The following MRPS26 variants were observed in gnomAD, a reference collection of about 807,000 sequenced individuals.
MRPS26 encodes small ribosomal subunit protein mS26.
A neutral mutation model predicts 22.7 loss-of-function variants in MRPS26; 26 were observed. The observed-to-expected ratio is 1.15, with a 90% CI of 0.84 to 1.59. The LOEUF is 1.59. Ranked by LOEUF, MRPS26 falls within the 40% of genes most tolerant of loss-of-function variation. The pLI is 0.00. For missense variants in MRPS26, 291 were observed against 287.7 expected (o/e 1.01, Z -0.08); for synonymous variants, 120 against 124.0 (o/e 0.97, Z 0.22).
In MRPS26 at chr20:3,046,525, TG is replaced by T. The variant is rs1451183706; in HGVS notation, c.359+10del. 7.8e-6 allele frequency: 12 copies of T among 1,536,036 alleles called. No individual in the cohort carries two copies. Among genetic ancestry groups the T allele is most frequent in the Non-Finnish European group, 7.9e-6 (9 of 1,146,236 alleles). On this transcript the variant is annotated splice_region_variant and intron_variant, in intron 2 of 3. Transcript: ENST00000380325. ...CGGCGGCTGCACGAGCTGCGGTGCG[TG>T]GGGCGGGAGGCGGGGCGGGGCGGCG... is the stretch of plus-strand genomic sequence containing the variant.
rs2065988441 is a variant in MRPS26, at chr20:3,046,399, G to A, written c.239G>A (p.Arg80Lys). Residue 80 changes from arginine (R) to lysine (K), a missense_variant, in exon 2 of 4, where the codon AGG becomes AAG. Transcript: ENST00000380325. The stretch of plus-strand genomic sequence containing the variant: ...ATGGAGTTCGTGTCCGAGGTGCAGA[G>A]GAAGGTGCACGAGGCCCGAGCCGGG... ...LRMEFVSEVQ[R>K]KVHEARAGVL... The A allele has an allele frequency of 1.2e-6, 2 of 1,608,498 alleles. No individual in the cohort carries two copies. Among genetic ancestry groups the A allele is most frequent in the South Asian group, 1.1e-5 (1 of 90,306 alleles).
chr20:3,048,122 A>G lies in MRPS26; in HGVS notation c.*253A>G, dbSNP rs898790585. On this transcript the variant is annotated 3_prime_UTR_variant, in exon 4 of 4. Transcript: ENST00000380325. This position sits in a 1 kb window ranked among gnomAD's most constrained non-coding sequence, Gnocchi z 4.1. ...TGGTTTCCATCTCACAGAGAATCAG[A>G]CAGGGCCACAGCCCCCTCAGGCAGC... 2 of 375,846 alleles carry G rather than the reference A, an allele frequency of 5.3e-6. No individual in the cohort carries two copies. The highest frequency in any genetic ancestry group is 9.4e-6 in the Non-Finnish European group (2 of 212,268). 23.3% of individuals were successfully genotyped at this position (375,846 alleles called of 1,614,324 possible).
Position 3,046,291 on chromosome 20 carries a change from G to C in MRPS26, c.212+11G>C, listed in dbSNP as rs373575124. ...CGTGCGCGCCCTCAGGTGTGCGGCCGGGGGGAGGTGGCCGCCCGCGCGCGC... is the reference window on the plus strand; with the variant it reads ...CGTGCGCGCCCTCAGGTGTGCGGCCCGGGGGAGGTGGCCGCCCGCGCGCGC... On this transcript the variant is annotated intron_variant, in intron 1 of 3. Coordinates refer to ENST00000380325, the MANE Select transcript of MRPS26 (RefSeq NM_030811.4). 3.1e-5 allele frequency: 50 copies of C among 1,603,774 alleles called. No homozygotes were observed. The East Asian group carries it at 6.3e-4, about 20-fold the overall frequency.
rs2065995590 is a variant in MRPS26, at chr20:3,047,720, T to C, written c.484-15T>C. 6.2e-7 allele frequency: 1 copy of C among 1,613,018 alleles called. No individual in the cohort carries two copies. Among genetic ancestry groups the C allele is most frequent in the Non-Finnish European group, 8.5e-7 (1 of 1,179,550 alleles). On this transcript the variant is annotated splice_polypyrimidine_tract_variant and intron_variant, in intron 3 of 3. Transcript: ENST00000380325. ...CCCAAGGCTCCTGTTCAGCTGGGCT[T>C]TTCTCTCCCGATAGGAAGAGGTGAA...
At chr20:3,047,640 C>A in intron 3 of MRPS26, 95 bp from the exon 4 acceptor site, 2 of 1,527,656 alleles carry the variant, frequency 1.3e-6, no homozygotes, top group Non-Finnish European at 1.8e-6. Flanking sequence ...AGAGCAGGAG[C>A]TGCTTTCTCA....
chr20:3,047,904 G>A lies in MRPS26; in HGVS notation c.*35G>A, dbSNP rs1320437957. ...AAGGACAGTGCCCGCCAGGGACCAT[G>A]TATGTATCATGGCGGAAGAGTTGGC... is the stretch of plus-strand genomic sequence containing the variant. On this transcript the variant is annotated 3_prime_UTR_variant, in exon 4 of 4. Transcript: ENST00000380325. 5 of 1,568,676 alleles carry A rather than the reference G, an allele frequency of 3.2e-6. No individual in the cohort carries two copies. The highest frequency in any genetic ancestry group is 2.8e-5 in the African/African-American group (2 of 72,098).
chr20:3,046,644 G>A lies in MRPS26; in HGVS notation c.390G>A (p.Glu130=), dbSNP rs1241686141. Residue 130 remains glutamate, a synonymous_variant, in exon 3 of 4, where the codon GAG becomes GAA. Coordinates refer to ENST00000380325, the MANE Select transcript of MRPS26 (RefSeq NM_030811.4). ...CGAGGCTGCGGCAGGAGGAGCGGGA[G>A]CAGGAGCAGCGGCAGGCGTTGGAGC... ...RIARLRQEER[E]QEQRQALEQA... The A allele has an allele frequency of 6.5e-7, 1 of 1,540,564 alleles. No individual in the cohort carries two copies. The highest frequency in any genetic ancestry group is 8.8e-7 in the Non-Finnish European group (1 of 1,139,940).
At chr20:3,046,972 G>C (rs771336045) in intron 3 of MRPS26, among the ~76,000 whole-genome samples, 7 of 152,224 alleles carry the variant, frequency 4.6e-5, no homozygotes, top group African/African-American at 9.6e-5. Context: ...TCCACAAAGA[G>C]GTTGTATTTT....
At position 3,046,521 on chromosome 20, in the gene MRPS26, T is replaced by TGCGTGGG; in HGVS notation, c.359+6_359+12dup. The TGCGTGGG allele has an allele frequency of 6.5e-7, 1 of 1,539,724 alleles. No homozygotes were observed. ...GAACCGGCGGCTGCACGAGCTGCGG[T>TGCGTGGG]GCGTGGGGCGGGAGGCGGGGCGGGG... On this transcript the variant is annotated splice_region_variant and intron_variant, in intron 2 of 3. Transcript: ENST00000380325.
rs1454182079 is a variant in MRPS26 at position 3,046,368 on chromosome 20, C to T, written c.213-5C>T. On this transcript the variant is annotated splice_polypyrimidine_tract_variant and splice_region_variant and intron_variant, in intron 1 of 3. Transcript: ENST00000380325. ...GGTGCTGATTCCTGGCGCGTCTGCA[C>T]CCAGGATGGAGTTCGTGTCCGAGGT... 2.5e-6 allele frequency: 4 copies of T among 1,608,844 alleles called. No homozygotes were observed. The highest frequency in any genetic ancestry group is 2.2e-5 in the East Asian group (1 of 44,760).
At chr20:3,047,206 G>T (rs905536919) in intron 3 of MRPS26, among the ~76,000 whole-genome samples, 14 of 152,004 alleles carry the variant, frequency 9.2e-5, no homozygotes, top group Non-Finnish European at 2.1e-4. Flanking sequence ...TTCGAGTCCA[G>T]CCTGGCCAAG....
In MRPS26 at chr20:3,047,919, G is replaced by C; in HGVS notation, c.*50G>C. On this transcript the variant is annotated 3_prime_UTR_variant, in exon 4 of 4. Coordinates refer to ENST00000380325, the MANE Select transcript of MRPS26 (RefSeq NM_030811.4). ...CAGGGACCATGTATGTATCATGGCG[G>C]AAGAGTTGGCCCTGACCTGGAATAA... The C allele has an allele frequency of 1.3e-6, 2 of 1,552,354 alleles. No homozygotes were observed. Among genetic ancestry groups the C allele is most frequent in the Non-Finnish European group, 1.7e-6 (2 of 1,155,614 alleles).
rs753134393 is a variant in MRPS26, at chr20:3,046,361, G to C, written c.213-12G>C. ...CGGAGAGGGTGCTGATTCCTGGCGC[G>C]TCTGCACCCAGGATGGAGTTCGTGT... is the stretch of plus-strand genomic sequence containing the variant. On this transcript the variant is annotated splice_polypyrimidine_tract_variant and intron_variant, in intron 1 of 3. Coordinates refer to ENST00000380325, the MANE Select transcript of MRPS26 (RefSeq NM_030811.4). The C allele has an allele frequency of 1.1e-5, 17 of 1,608,538 alleles. No homozygotes were observed. In the Admixed American group the frequency reaches 2.5e-4, roughly 24 times the overall value.
intron 3 of MRPS26, among the ~76,000 whole-genome samples, chr20:3,047,279 C>A (rs976738781): frequency 6.6e-6 from 1 of 152,142 alleles, no homozygotes; most frequent in Non-Finnish European, 1.5e-5. Flanking sequence ...ATCGCAGCTA[C>A]TCGGGAGGCT....
chr20:3,046,177 T>G lies in MRPS26; in HGVS notation c.109T>G (p.Ser37Ala). 1 of 1,599,484 alleles carries G rather than the reference T, an allele frequency of 6.3e-7. No individual in the cohort carries two copies. Among genetic ancestry groups the G allele is most frequent in the Non-Finnish European group, 8.5e-7 (1 of 1,179,456 alleles). Reference protein sequence around the residue: ...RKTRHDPLAKSKIERVNMPPA... With the variant: ...RKTRHDPLAKAKIERVNMPPA... ...GACCCGCCACGACCCGCTGGCCAAA[T>G]CCAAGATCGAGCGAGTGAACATGCC... is the stretch of plus-strand genomic sequence containing the variant. Residue 37 changes from serine to alanine, a missense_variant, in exon 1 of 4, where the codon TCC becomes GCC. Physicochemically the swap from Ser to Ala is moderately conservative, Grantham distance 99. Coordinates refer to ENST00000380325, the MANE Select transcript of MRPS26 (RefSeq NM_030811.4).
chr20:3,046,172 C>G lies in MRPS26; in HGVS notation c.104C>G (p.Ala35Gly). 1 of 1,599,052 alleles carries G rather than the reference C, an allele frequency of 6.3e-7. No homozygotes were observed. The highest frequency in any genetic ancestry group is 8.5e-7 in the Non-Finnish European group (1 of 1,179,394). ...CGCAAGACCCGCCACGACCCGCTGG[C>G]CAAATCCAAGATCGAGCGAGTGAAC... is the stretch of plus-strand genomic sequence containing the variant. ...RGRKTRHDPL[A>G]KSKIERVNMP... Residue 35 changes from alanine to glycine, a missense_variant, in exon 1 of 4, where the codon GCC (alanine) becomes GGC (glycine). Physicochemically the swap from Ala to Gly is moderately conservative, Grantham distance 60. Transcript: ENST00000380325.
rs1209997009 is a variant in MRPS26 at position 3,046,140 on chromosome 20, G to T, written c.72G>T (p.Ala24=). The T allele has an allele frequency of 6.3e-7, 1 of 1,592,688 alleles. No individual in the cohort carries two copies. The highest frequency in any genetic ancestry group is 1.7e-5 in the Admixed American group (1 of 59,664). ...CCCGGGCCCCTCTGGTGCTGCCAGC[G>T]CGCGGCCGCAAGACCCGCCACGACC... ...CRPRAPLVLP[A]RGRKTRHDPL... is the part of the protein sequence containing the mutation. The change falls in exon 1 of 4, where the codon GCG becomes GCT. Residue 24 remains alanine, a synonymous_variant. Transcript: ENST00000380325.
Position 3,047,949 on chromosome 20 carries a change from G to C in MRPS26, c.*80G>C, listed in dbSNP as rs898671954. On this transcript the variant is annotated 3_prime_UTR_variant, in exon 4 of 4. Transcript: ENST00000380325. ...GTTGGCCCTGACCTGGAATAAAGCA[G>C]TTGGTGTTGCTTATGAGGAAGGTTC... 6.7e-7 allele frequency: 1 copy of C among 1,487,656 alleles called. No individual in the cohort carries two copies. Among genetic ancestry groups the C allele is most frequent in the Non-Finnish European group, 9.0e-7 (1 of 1,117,102 alleles). 92.2% of individuals were successfully genotyped at this position (1,487,656 alleles called of 1,614,324 possible).
rs1296963799 is a variant in MRPS26, at chr20:3,046,740, G to T, written c.483+3G>T. 1 of 1,538,854 alleles carries T rather than the reference G, an allele frequency of 6.5e-7. No homozygotes were observed. Among genetic ancestry groups the T allele is most frequent in the South Asian group, 1.2e-5 (1 of 83,948 alleles). ...AGCGGGAAGTGCTGCAGCTGCAGGT[G>T]GGCAACGTCTCCGGAGGGTGGGACT... is the stretch of plus-strand genomic sequence containing the variant. On this transcript the variant is annotated splice_donor_region_variant and intron_variant, in intron 3 of 3. Transcript: ENST00000380325.
Sources: gnomAD v4.1 joint callset for allele counts (sites outside exome capture counted in the v4.1 genomes callset) on GRCh38, gnomAD v4.1.1 for gene constraint, Gnocchi (gnomAD v3.1) non-coding constraint, MANE v1.5 for transcripts, NCBI Gene and HGNC (gene_info 2026-07-23, HGNC 2026-07-21) for gene names.